The following MYH1 variants were observed in gnomAD, a reference collection of about 807,000 sequenced individuals.
MYH1 encodes the protein myosin heavy chain 1, also known as myosin-1.
Under a neutral mutation model 225.6 loss-of-function variants are expected in MYH1, and 214 were observed. That is an observed-to-expected ratio of 0.95 (90% CI 0.85 to 1.06). The LOEUF (loss-of-function observed/expected upper bound fraction) is 1.06, where lower values mean the gene tolerates loss of function less well. Among genes scored for constraint, MYH1 ranks in the 50% least tolerant of loss-of-function variants. The pLI is 0.00. For synonymous variants in MYH1, 774 were observed against 842.3 expected (o/e 0.92, Z 1.40); for missense variants, 2,098 against 2,344.2 (o/e 0.89, Z 2.17).
Position 10,502,788 on chromosome 17 carries a change from C to T in MYH1, c.3061G>A (p.Val1021Ile), listed in dbSNP as rs1758255658. ...ATTTTAGCTTTGGTCAGGGTGTTGA[C>T]TTTGTCCTCCTCTGCCTGCAGGTCA... ...LDDLQAEEDK[V>I]NTLTKAKIKL... is the part of the protein sequence containing the mutation. The change falls in exon 24 of 40, where the codon GTC becomes ATC. Residue 1021 changes from valine to isoleucine, a missense_variant. Coordinates refer to ENST00000226207, the MANE Select transcript of MYH1 (RefSeq NM_005963.4). The T allele has an allele frequency of 1.2e-6, 2 of 1,614,144 alleles. No individual in the cohort carries two copies. Among genetic ancestry groups the T allele is most frequent in the Non-Finnish European group, 8.5e-7 (1 of 1,180,018 alleles).
rs2072989278 is a variant in MYH1 at position 10,496,037 on chromosome 17, G to A, written c.5082C>T (p.Ala1694=). The A allele has an allele frequency of 1.2e-6, 2 of 1,613,954 alleles. No homozygotes were observed. The highest frequency in any genetic ancestry group is 2.7e-5 in the African/African-American group (2 of 74,900). ...LLQAEIEELR[A]TLEQTERSRK... ...TGCTCCTCTCTGTCTGTTCCAGAGT[G>A]GCCCGCAGCTCCTCGATCTCAGCCT... Residue 1694 remains alanine, a synonymous_variant, in exon 35 of 40, where the codon GCC becomes GCT. Coordinates refer to ENST00000226207, the MANE Select transcript of MYH1 (RefSeq NM_005963.4).
chr17:10,511,452 T>C (rs541426990), intron 14 of MYH1, among the ~76,000 whole-genome samples: 2 of 152,204 alleles, frequency 1.3e-5, no homozygotes, highest in Non-Finnish European at 2.9e-5. Context: ...TACTGAGTGC[T>C]GCCTGCATGC....
intron 9 of MYH1, 142 bp downstream of exon 9, chr17:10,513,484 G>T: frequency 1.2e-6 from 1 of 816,248 alleles, no homozygotes; most frequent in East Asian, 2.6e-5. Context: ...TGTGGGCTAT[G>T]GATAAGACTG....
intron 12 of MYH1, 104 bp from the exon 13 acceptor site, chr17:10,512,296 G>T: frequency 6.3e-7 from 1 of 1,588,336 alleles, no homozygotes; most frequent in South Asian, 1.1e-5. Context: ...CTGTGTGTGG[G>T]TACATCTGAG....
chr17:10,499,166 G>T, intron 28 of MYH1, 74 bp from the exon 29 acceptor site: 1 of 1,322,028 alleles, frequency 7.6e-7, no homozygotes, highest in Non-Finnish European at 1.1e-6. Context: ...CTTGAGCAGG[G>T]AAAGGGAGCC....
chr17:10,493,789 T>C (rs1484141888), intron 39 of MYH1, among the ~76,000 whole-genome samples: 1 of 152,218 alleles, frequency 6.6e-6, no homozygotes, highest in East Asian at 1.9e-4. Flanking sequence ...GTGCAACCTA[T>C]TAGCAATCTT....
chr17:10,496,207 A>G, intron 34 of MYH1, 34 bp downstream of exon 34: 1 of 1,614,134 alleles, frequency 6.2e-7, no homozygotes, highest in Non-Finnish European at 8.5e-7. Flanking sequence ...CAGGCACCCC[A>G]ATTGTCCTGG....
rs141592934 is a variant in MYH1 at position 10,513,820 on chromosome 17, C to T, written c.741+1G>A. 4.8e-4 allele frequency: 769 copies of T among 1,614,172 alleles called. 3 individuals are homozygous for T. The East Asian group carries it at 6.5e-3, about 14-fold the overall frequency. Reference sequence around the variant, plus strand: ...GACCCTTTGGCAACCAAGAGACTTACAAAGCGAGAGGAGTTGTCATTCCTC... The same window carrying T: ...GACCCTTTGGCAACCAAGAGACTTATAAAGCGAGAGGAGTTGTCATTCCTC... On this transcript the variant is annotated splice_donor_variant, in intron 8 of 39. Transcript: ENST00000226207. LOFTEE classifies it high-confidence loss of function.
At chr17:10,497,518 C>A in intron 31 of MYH1, 66 bp from the exon 32 acceptor site, 1 of 1,546,496 alleles carries the variant, frequency 6.5e-7, no homozygotes, top group South Asian at 1.3e-5. Flanking sequence ...ACCATCTATT[C>A]TAGCACCTCT....
At chr17:10,497,573 A>C (rs917755708) in intron 31 of MYH1, 121 bp from the exon 32 acceptor site, 21 of 1,485,372 alleles carry the variant, frequency 1.4e-5, no homozygotes, top group Non-Finnish European at 1.9e-5. Context: ...ATGAATGAGA[A>C]GAATAGAAAC....
At chr17:10,512,630 T>A (rs548304850) in intron 11 of MYH1, 51 bp downstream of exon 11, 2 of 1,610,354 alleles carry the variant, frequency 1.2e-6, no homozygotes, top group Non-Finnish European at 1.7e-6. Context: ...TGGCTGTTAT[T>A]GCCATTCCCA....
intron 14 of MYH1, among the ~76,000 whole-genome samples, chr17:10,510,204 G>C (rs888961114): frequency 3.9e-5 from 6 of 152,010 alleles, no homozygotes; most frequent in Admixed American, 1.3e-4. Context: ...TTAGTCAGAG[G>C]TTTCTTAATG....
At chr17:10,516,718 A>C in intron 2 of MYH1, 36 bp from the exon 3 acceptor site, 1 of 1,546,476 alleles carries the variant, frequency 6.5e-7, no homozygotes, top group Non-Finnish European at 8.8e-7. Flanking sequence ...AGAAATTAAG[A>C]AACTGGACCA....
intron 24 of MYH1, 27 bp from the exon 25 acceptor site, chr17:10,501,938 G>T: frequency 1.9e-6 from 3 of 1,586,114 alleles, no homozygotes; most frequent in Non-Finnish European, 2.6e-6. Flanking sequence ...CATGAATATG[G>T]TTCTTAGAAT....
rs1400394328 is a variant in MYH1, at chr17:10,512,761, G to T, written c.928C>A (p.Pro310Thr). The T allele has an allele frequency of 1.2e-6, 2 of 1,614,052 alleles. No individual in the cohort carries two copies. Among genetic ancestry groups the T allele is most frequent in the Non-Finnish European group, 8.5e-7 (1 of 1,179,984 alleles). The change falls in exon 11 of 40, where the codon CCA (proline) becomes ACA (threonine). Residue 310 changes from proline (P) to threonine (T), a missense_variant. By Grantham distance (38) the Pro-to-Thr change is conservative. Coordinates refer to ENST00000226207, the MANE Select transcript of MYH1 (RefSeq NM_005963.4). ...TGACTGACGAAGGCATAATCGTATG[G>T]GTTGGTGGTGATCAGGAGCATTTCT... ...LIEMLLITTNPYDYAFVSQGE... is the reference protein window; with the variant it reads ...LIEMLLITTNTYDYAFVSQGE...
intron 4 of MYH1, 34 bp from the exon 5 acceptor site, chr17:10,516,116 T>G: frequency 1.9e-6 from 3 of 1,613,538 alleles, no homozygotes; most frequent in Non-Finnish European, 2.5e-6. Context: ...AACAGAATTA[T>G]TTGATGGGGA....
In MYH1 at chr17:10,497,790, C is replaced by T; in HGVS notation, c.4309G>A (p.Glu1437Lys). The T allele has an allele frequency of 6.2e-7, 1 of 1,614,184 alleles. No homozygotes were observed. Among genetic ancestry groups the T allele is most frequent in the Non-Finnish European group, 8.5e-7 (1 of 1,180,028 alleles). Reference protein sequence around the residue: ...NEVEDLMIDVERTNAACAALD... With the variant: ...NEVEDLMIDVKRTNAACAALD... ...GCGGCACAGGCAGCATTTGTCCTCT[C>T]AACATCAATCATGAGGTCCTCAACT... The change falls in exon 31 of 40, where the codon GAG becomes AAG. Residue 1437 changes from glutamate (E) to lysine (K), a missense_variant. Coordinates refer to ENST00000226207, the MANE Select transcript of MYH1 (RefSeq NM_005963.4).
rs1457891606 is a variant in MYH1 at position 10,503,190 on chromosome 17, A to G, written c.2750T>C (p.Ile917Thr). 1.9e-6 allele frequency: 3 copies of G among 1,613,900 alleles called. No individual in the cohort carries two copies. The highest frequency in any genetic ancestry group is 1.7e-6 in the Non-Finnish European group (2 of 1,179,986). ...CTCTTTGATTTTGGCTTCTAGCTGG[A>G]TTTTGGTTTTGATTAGCTGGTCACA... is the stretch of plus-strand genomic sequence containing the variant. ...ERCDQLIKTK[I>T]QLEAKIKEVT... The change falls in exon 23 of 40, where the codon ATC (isoleucine) becomes ACC (threonine). Residue 917 changes from isoleucine to threonine, a missense_variant. Ile to Thr is a moderately conservative substitution (Grantham distance 89). Coordinates refer to ENST00000226207, the MANE Select transcript of MYH1 (RefSeq NM_005963.4).
At chr17:10,494,895 A>G in intron 37 of MYH1, 36 bp downstream of exon 37, 1 of 1,614,042 alleles carries the variant, frequency 6.2e-7, no homozygotes, top group Non-Finnish European at 8.5e-7. Context: ...GTTGGATTGG[A>G]ATGAGATAGA....
Sources: allele counts gnomAD v4.1 joint callset (sites outside exome capture counted in the v4.1 genomes callset), GRCh38; gene constraint gnomAD v4.1.1; transcripts MANE v1.5; gene names NCBI Gene and HGNC (gene_info 2026-07-23, HGNC 2026-07-21).